Variants in CENPN observed in about 807,000 individuals in gnomAD.
CENPN encodes interphase centromere complex protein 32.
Under a neutral mutation model 48.6 loss-of-function variants are expected in CENPN, and 36 were observed. That is an observed-to-expected ratio of 0.74 (90% CI 0.57 to 0.98). The LOEUF is 0.98. CENPN is among the 50% of genes least tolerant of loss of function. The probability of loss-of-function intolerance (pLI) is 0.00; values close to 1 mark genes in which losing one functional copy is unlikely to be tolerated. For missense variants in CENPN, 439 were observed against 399.2 expected (o/e 1.10, Z -0.85); for synonymous variants, 166 against 135.2 (o/e 1.23, Z -1.58).
intron 3 of CENPN, among the ~76,000 whole-genome samples, chr16:81,016,511 C>T (rs1392711173): frequency 3.3e-5 from 5 of 152,180 alleles, no homozygotes; most frequent in East Asian, 3.8e-4. Context: ...CCTGTAATCC[C>T]AGCACTTTGG....
intron 3 of CENPN, among the ~76,000 whole-genome samples, chr16:81,015,764 G>A (rs1374318675): frequency 1.3e-5 from 2 of 152,202 alleles, no homozygotes; most frequent in African/African-American, 4.8e-5. Context: ...CCAGCACTTT[G>A]GGAGACCAAG....
chr16:81,025,582 G>A (rs1041166401), intron 8 of CENPN, among the ~76,000 whole-genome samples: 1 of 151,930 alleles, frequency 6.6e-6, no homozygotes, highest in Non-Finnish European at 1.5e-5. Flanking sequence ...GTGAGGCTAG[G>A]AACAATGTTA....
intron 8 of CENPN, among the ~76,000 whole-genome samples, chr16:81,026,141 A>ATATATATG (rs1567555403): frequency 0.033 from 4,806 of 144,460 alleles, 314 homozygotes; most frequent in African/African-American, 0.11. Context: ...GTATATATAT[A>ATATATATG]TGTATATATA....
At chr16:81,014,093 A>C (rs1344904772) in intron 2 of CENPN, 43 bp from the exon 3 acceptor site, 1 of 1,560,882 alleles carries the variant, frequency 6.4e-7, no homozygotes, top group African/African-American at 1.4e-5. Flanking sequence ...GATAGAACCA[A>C]ACCTATAACC....
Position 81,029,436 on chromosome 16 carries a change from G to A in CENPN, c.*785G>A. Reference sequence around the variant, plus strand: ...ATTTATTGAGACAGGGTCTCACTGTGTCACCCAAGCTGGAGTGCAGTGGCA... The same window carrying A: ...ATTTATTGAGACAGGGTCTCACTGTATCACCCAAGCTGGAGTGCAGTGGCA... On this transcript the variant is annotated 3_prime_UTR_variant, in exon 11 of 11. Coordinates refer to ENST00000305850, the MANE Select transcript of CENPN (RefSeq NM_001100624.3). The A allele has an allele frequency of 7.7e-6, 3 of 387,760 alleles. No individual in the cohort carries two copies. The highest frequency in any genetic ancestry group is 1.1e-5 in the Non-Finnish European group (3 of 283,852). The allele number at this position is 387,760 out of a possible 1,614,324, so 24.0% of individuals were successfully genotyped here.
chr16:81,022,752 C>T, intron 7 of CENPN, 54 bp downstream of exon 7: 2 of 1,614,006 alleles, frequency 1.2e-6, no homozygotes, highest in Non-Finnish European at 1.7e-6. Flanking sequence ...CTCTTTGACA[C>T]AGGAGTTAGA....
At position 81,028,930 on chromosome 16, in the gene CENPN, T is replaced by C; in HGVS notation, c.*279T>C. On this transcript the variant is annotated 3_prime_UTR_variant, in exon 11 of 11. Transcript: ENST00000305850. ...CTTGACCTTGAGTGCCTGAATGCTCTGAAATCAAGCATATGGCACAGCGCT... is the reference window on the plus strand; with the variant it reads ...CTTGACCTTGAGTGCCTGAATGCTCCGAAATCAAGCATATGGCACAGCGCT... 4.5e-6 allele frequency: 5 copies of C among 1,101,286 alleles called. No individual in the cohort carries two copies. In the South Asian group the frequency reaches 1.4e-4, roughly 31 times the overall value. The allele number at this position is 1,101,286 out of a possible 1,614,324, so 68.2% of individuals were successfully genotyped here.
intron 8 of CENPN, among the ~76,000 whole-genome samples, chr16:81,026,129 GTGTATATATATA>G (rs1382177454): frequency 1.0e-4 from 10 of 98,528 alleles, no homozygotes; most frequent in African/African-American, 2.1e-4. Context: ...ATATATATGT[GTGTATATATATA>G]TGTATATATA....
At chr16:81,009,584 A>G (rs1969655921) in intron 1 of CENPN, among the ~76,000 whole-genome samples, 1 of 152,116 alleles carries the variant, frequency 6.6e-6, no homozygotes, top group East Asian at 1.9e-4. Flanking sequence ...TAATTCAGTT[A>G]TTTTTCTATT....
Position 81,029,006 on chromosome 16 carries a change from C to T in CENPN, c.*355C>T, listed in dbSNP as rs1970646211. On this transcript the variant is annotated 3_prime_UTR_variant, in exon 11 of 11. Coordinates refer to ENST00000305850, the MANE Select transcript of CENPN (RefSeq NM_001100624.3). Reference sequence around the variant, plus strand: ...TTTCTATGGCTGTCTCTTCTCAATTCTGGAGAGGTCTGGTTCCAGTGGCTG... The same window carrying T: ...TTTCTATGGCTGTCTCTTCTCAATTTTGGAGAGGTCTGGTTCCAGTGGCTG... The T allele has an allele frequency of 5.0e-6, 5 of 997,312 alleles. No homozygotes were observed. The highest frequency in any genetic ancestry group is 4.8e-6 in the Non-Finnish European group (4 of 838,300). The allele number at this position is 997,312 out of a possible 1,614,324, so 61.8% of individuals were successfully genotyped here. A position where few individuals can be genotyped will look rare whatever the true frequency, so the allele number is the denominator to read the frequency against.
At chr16:81,025,933 C>A (rs1421719727) in intron 8 of CENPN, among the ~76,000 whole-genome samples, 1 of 150,942 alleles carries the variant, frequency 6.6e-6, no homozygotes, top group Non-Finnish European at 1.5e-5. Context: ...GAACTTCTGA[C>A]CTCAAGTGAT....
intron 9 of CENPN, among the ~76,000 whole-genome samples, chr16:81,027,614 AACTGACAGTCAGT>A (rs1970567214): frequency 6.6e-6 from 1 of 152,236 alleles, no homozygotes. Context: ...CTGAGGGTGG[AACTGACAGTCAGT>A]ATCTCCCATG....
intron 3 of CENPN, among the ~76,000 whole-genome samples, chr16:81,016,240 G>A (rs1969926672): frequency 6.6e-6 from 1 of 151,992 alleles, no homozygotes; most frequent in Non-Finnish European, 1.5e-5. Context: ...TGGTGTGGTG[G>A]TGTGGGACAC....
rs942822693 is a variant in CENPN, at chr16:81,030,476, T to C, written c.*1825T>C. 1.1e-6 allele frequency: 1 copy of C among 873,146 alleles called. No homozygotes were observed. Among genetic ancestry groups the C allele is most frequent in the South Asian group, 5.3e-5 (1 of 19,016 alleles). The allele number at this position is 873,146 out of a possible 1,614,324, so 54.1% of individuals were successfully genotyped here. A position where few individuals can be genotyped will look rare whatever the true frequency, so the allele number is the denominator to read the frequency against. On this transcript the variant is annotated 3_prime_UTR_variant, in exon 11 of 11. Coordinates refer to ENST00000305850, the MANE Select transcript of CENPN (RefSeq NM_001100624.3). ...AAATGACTTCACTCTGGGCCGGGTG[T>C]AGTGGCTCACGCCTGTAATCCTAGC...
chr16:81,018,898 GTCCC>G (rs1487377570), intron 5 of CENPN, among the ~76,000 whole-genome samples: 1 of 152,224 alleles, frequency 6.6e-6, no homozygotes, highest in African/African-American at 2.4e-5. Flanking sequence ...TCTCACTCAA[GTCCC>G]TCCTTTCTAG....
chr16:81,028,162 T>G lies in CENPN; in HGVS notation c.811-9T>G. ...TGTTTAATAGTCATTTATAAATGTTTGTTGACAGCTTGAAACGAAATTCAA... is the reference window on the plus strand; with the variant it reads ...TGTTTAATAGTCATTTATAAATGTTGGTTGACAGCTTGAAACGAAATTCAA... On this transcript the variant is annotated splice_polypyrimidine_tract_variant and intron_variant, in intron 9 of 10. Transcript: ENST00000305850. 6.3e-7 allele frequency: 1 copy of G among 1,594,616 alleles called. No individual in the cohort carries two copies. Among genetic ancestry groups the G allele is most frequent in the Non-Finnish European group, 8.6e-7 (1 of 1,162,276 alleles).
chr16:81,028,628 T>A lies in CENPN; in HGVS notation c.997T>A (p.Tyr333Asn). 1 of 1,612,198 alleles carries A rather than the reference T, an allele frequency of 6.2e-7. No individual in the cohort carries two copies. Among genetic ancestry groups the A allele is most frequent in the Non-Finnish European group, 8.5e-7 (1 of 1,179,644 alleles). The change falls in exon 11 of 11, where the codon TAT (tyrosine) becomes AAT (asparagine). Residue 333 changes from tyrosine to asparagine, a missense_variant. Coordinates refer to ENST00000305850, the MANE Select transcript of CENPN (RefSeq NM_001100624.3). The part of the protein sequence containing the change: ...LTCIPNKRMN[Y>N]FKIRDK ...TTGCATACCCAACAAGAGAATGAAT[T>A]ATTTTAAAATTAGAGATAAATAAGA...
rs773798666 is a variant in CENPN, at chr16:81,024,719, T to C, written c.638T>C (p.Phe213Ser). Residue 213 changes from phenylalanine (F) to serine (S), a missense_variant, in exon 8 of 11, where the codon TTT becomes TCT. By Grantham distance (155) the Phe-to-Ser change is radical (BLOSUM62 -2). Coordinates refer to ENST00000305850, the MANE Select transcript of CENPN (RefSeq NM_001100624.3). ...TATTCACTTTTTTTTCCCTAGACCTTTGAAACTCACAACTCTACGACACCT... is the reference window on the plus strand; with the variant it reads ...TATTCACTTTTTTTTCCCTAGACCTCTGAAACTCACAACTCTACGACACCT... ...AIVFKQYNQT[F>S]ETHNSTTPLQ... 5.0e-6 allele frequency: 8 copies of C among 1,607,084 alleles called. No homozygotes were observed. Among genetic ancestry groups the C allele is most frequent in the Non-Finnish European group, 6.8e-6 (8 of 1,175,164 alleles).
At chr16:81,019,845 C>G (rs1156887518) in intron 5 of CENPN, among the ~76,000 whole-genome samples, 1 of 150,558 alleles carries the variant, frequency 6.6e-6, no homozygotes, top group African/African-American at 2.4e-5. Context: ...CCACAGCACT[C>G]CAGCCTGAGC....
Sources: gnomAD v4.1 joint callset for allele counts (sites outside exome capture counted in the v4.1 genomes callset) on GRCh38, gnomAD v4.1.1 for gene constraint, MANE v1.5 for transcripts, NCBI Gene and HGNC (gene_info 2026-07-23, HGNC 2026-07-21) for gene names.